PDZRN4: variants seen among roughly 807,000 people sequenced by gnomAD.
PDZRN4 encodes PDZ domain containing ring finger 4.
A neutral mutation model predicts 99.0 loss-of-function variants in PDZRN4; 70 were observed. The observed-to-expected ratio is 0.71, with a 90% CI of 0.58 to 0.86. PDZRN4 has a LOEUF of 0.86. Among genes scored for constraint, PDZRN4 ranks in the 40% least tolerant of loss-of-function variants. The pLI is 0.00. For missense variants in PDZRN4, 1,474 were observed against 1,331.2 expected, an observed-to-expected ratio of 1.11 and a Z score of -1.67; for synonymous variants, 551 against 501.6, an observed-to-expected ratio of 1.10 and a Z score of -1.32.
At chr12:41,255,631 G>A (rs1385502823) in intron 3 of PDZRN4, among the ~76,000 whole-genome samples, 1 of 152,060 alleles carries the variant, frequency 6.6e-6, no homozygotes, top group Non-Finnish European at 1.5e-5. Flanking sequence ...GTCAGTTTTT[G>A]TGTTGCTATA....
intron 3 of PDZRN4, among the ~76,000 whole-genome samples, chr12:41,469,837 G>T (rs936794668): frequency 2.6e-5 from 4 of 152,146 alleles, no homozygotes; most frequent in African/African-American, 9.7e-5. Context: ...GGCTGAGGCG[G>T]GAGAATGGTG....
At chr12:41,312,802 G>A (rs1360528774) in intron 3 of PDZRN4, among the ~76,000 whole-genome samples, 1 of 151,998 alleles carries the variant, frequency 6.6e-6, no homozygotes. Flanking sequence ...AGATTTGAGT[G>A]TGGACACAAA....
At chr12:41,381,744 G>C (rs903598671) in intron 3 of PDZRN4, among the ~76,000 whole-genome samples, 5 of 152,032 alleles carry the variant, frequency 3.3e-5, no homozygotes, top group African/African-American at 1.2e-4. Flanking sequence ...CATTTCTTTA[G>C]GGTCAGTTAT....
At chr12:41,237,616 C>T (rs1475420210) in intron 3 of PDZRN4, among the ~76,000 whole-genome samples, 2 of 152,078 alleles carry the variant, frequency 1.3e-5, no homozygotes, top group African/African-American at 2.4e-5. Context: ...ACAGTTCAGT[C>T]GTTAATCCAT....
At chr12:41,236,440 C>A (rs1951067434) in intron 3 of PDZRN4, among the ~76,000 whole-genome samples, 1 of 151,880 alleles carries the variant, frequency 6.6e-6, no homozygotes. Context: ...TCATTTAGGG[C>A]AAGATTACAG....
At chr12:41,408,889 G>T (rs1952370219) in intron 3 of PDZRN4, among the ~76,000 whole-genome samples, 1 of 151,348 alleles carries the variant, frequency 6.6e-6, no homozygotes, top group South Asian at 2.1e-4. Flanking sequence ...TACTCTTGGG[G>T]CCAGAAGATG....
chr12:41,189,443 T>C (rs1950721255), intron 1 of PDZRN4, among the ~76,000 whole-genome samples: 1 of 152,162 alleles, frequency 6.6e-6, no homozygotes, highest in African/African-American at 2.4e-5. Flanking sequence ...TGCCTATTTT[T>C]TGAGCACTTG....
chr12:41,319,262 G>A (rs1373288294), intron 3 of PDZRN4, among the ~76,000 whole-genome samples: 1 of 151,914 alleles, frequency 6.6e-6, no homozygotes, highest in African/African-American at 2.4e-5. Context: ...AGCTGCCTTT[G>A]ATGCACCCCG....
At chr12:41,483,317 A>G (rs1306041848) in intron 3 of PDZRN4, among the ~76,000 whole-genome samples, 1 of 152,178 alleles carries the variant, frequency 6.6e-6, no homozygotes, top group African/African-American at 2.4e-5. Flanking sequence ...TAAGCTTACT[A>G]AAAGAGAAGG....
rs537806066 is a variant in PDZRN4 at position 41,321,271 on chromosome 12, G to A, written c.843+127083G>A. Among the ~76,000 whole-genome samples, 8 of 152,208 alleles carry A rather than the reference G, an allele frequency of 5.3e-5. No individual in the cohort carries two copies. In the South Asian group the frequency reaches 1.7e-3, roughly 32 times the overall value. ...CGGTCATGGGAAAGTGGTATGCCTG[G>A]ACCACACTGCCTCAATGGCACAGAA... On this transcript the variant is annotated intron_variant, in intron 3 of 9. Transcript: ENST00000402685.
At chr12:41,237,742 TG>T (rs1434490630) in intron 3 of PDZRN4, among the ~76,000 whole-genome samples, 1 of 152,206 alleles carries the variant, frequency 6.6e-6, no homozygotes, top group Non-Finnish European at 1.5e-5. Context: ...CTCCATTGCT[TG>T]TTTTCGTCAG....
intron 5 of PDZRN4, among the ~76,000 whole-genome samples, chr12:41,511,248 A>G (rs1938299092): frequency 6.6e-6 from 1 of 152,038 alleles, no homozygotes; most frequent in Admixed American, 6.6e-5. Context: ...TAGGCTAAGC[A>G]AGTTAACAGT....
intron 3 of PDZRN4, among the ~76,000 whole-genome samples, chr12:41,292,755 C>T (rs575646860): frequency 6.6e-6 from 1 of 152,082 alleles, no homozygotes; most frequent in Admixed American, 6.6e-5. Flanking sequence ...TGGAGAAGAA[C>T]GTTCACTTTA....
At chr12:41,242,282 G>C (rs960232535) in intron 3 of PDZRN4, among the ~76,000 whole-genome samples, 2 of 152,174 alleles carry the variant, frequency 1.3e-5, no homozygotes, top group African/African-American at 4.8e-5. Flanking sequence ...TTCCAAAACA[G>C]TTGATTGATA....
Position 41,194,160 on chromosome 12 carries a change from G to C in PDZRN4, c.815G>C (p.Gly272Ala), listed in dbSNP as rs1178567780. The C allele has an allele frequency of 6.5e-7, 1 of 1,539,988 alleles. No homozygotes were observed. Among genetic ancestry groups the C allele is most frequent in the Admixed American group, 1.7e-5 (1 of 59,860 alleles). The change falls in exon 3 of 10, where the codon GGC (glycine) becomes GCC (alanine). Residue 272 changes from glycine (G) to alanine (A), a missense_variant. By Grantham distance (60) the Gly-to-Ala change is moderately conservative. Transcript: ENST00000402685. ...AATGGACCTGCTGACAGAGCAGATG[G>C]CCTGGAGATTCATGACAAAATCATG... ...LENGPADRAD[G>A]LEIHDKIMEV...
chr12:41,499,108 G>C (rs571800658), intron 3 of PDZRN4, among the ~76,000 whole-genome samples: 2 of 152,210 alleles, frequency 1.3e-5, no homozygotes, highest in South Asian at 4.1e-4. Context: ...TAGACCTGGA[G>C]AGTGAAGGTG....
intron 3 of PDZRN4, among the ~76,000 whole-genome samples, chr12:41,248,925 G>A (rs1020408188): frequency 6.6e-6 from 1 of 152,014 alleles, no homozygotes; most frequent in African/African-American, 2.4e-5. Context: ...TATTTGTTTG[G>A]TAATAACCAG....
chr12:41,534,399 AAGCCCAGGATGGATT>A (rs1463851603), intron 5 of PDZRN4, among the ~76,000 whole-genome samples: 3 of 152,122 alleles, frequency 2.0e-5, no homozygotes, highest in Admixed American at 1.3e-4. Flanking sequence ...CCTAGGTATT[AAGCCCAGGATGGATT>A]AGCTATTTTT....
At chr12:41,338,029 GACT>G (rs1443228410) in intron 3 of PDZRN4, among the ~76,000 whole-genome samples, 1 of 152,058 alleles carries the variant, frequency 6.6e-6, no homozygotes, top group Non-Finnish European at 1.5e-5. Context: ...AAGCAGCTGG[GACT>G]ACATGTGCAT....
Sources: gnomAD v4.1 joint callset for allele counts (sites outside exome capture counted in the v4.1 genomes callset) on GRCh38, gnomAD v4.1.1 for gene constraint, MANE v1.5 for transcripts, NCBI Gene and HGNC (gene_info 2026-07-23, HGNC 2026-07-21) for gene names.